The following GRK5 variants were observed in gnomAD, a reference collection of about 807,000 sequenced individuals.
GRK5 encodes the protein g protein-coupled receptor kinase GRK5.
A neutral mutation model predicts 78.4 loss-of-function variants in GRK5; 40 were observed. That is an observed-to-expected ratio of 0.51 (90% CI 0.40 to 0.66). GRK5 has a LOEUF of 0.66. GRK5 is among the 30% of genes least tolerant of loss of function. The pLI is 0.00. For synonymous variants in GRK5, 289 were observed against 296.8 expected (o/e 0.97, Z 0.27); for missense variants, 598 against 759.9 (o/e 0.79, Z 2.50).
chr10:119,381,104 TG>T (rs776620408), intron 3 of GRK5, among the ~76,000 whole-genome samples, 177 bp downstream of exon 3: 3 of 152,196 alleles, frequency 2.0e-5, no homozygotes, highest in Non-Finnish European at 4.4e-5. Context: ...TCTAAACACA[TG>T]GGTGACCTTG....
Position 119,425,061 on chromosome 10 carries a change from T to C in GRK5, c.509T>C (p.Phe170Ser). The change falls in exon 6 of 16, where the codon TTT becomes TCT. Residue 170 changes from phenylalanine (F) to serine (S), a missense_variant. Coordinates refer to ENST00000392870, the MANE Select transcript of GRK5 (RefSeq NM_005308.3). Reference sequence around the variant, plus strand: ...CTGGACAGCATGTTTTTTGACCGCTTTCTCCAGTGGAAGTGGTTGGAAAGG... The same window carrying C: ...CTGGACAGCATGTTTTTTGACCGCTCTCTCCAGTGGAAGTGGTTGGAAAGG... ...EYLDSMFFDR[F>S]LQWKWLERQP... is the part of the protein sequence containing the mutation. 1 of 1,613,800 alleles carries C rather than the reference T, an allele frequency of 6.2e-7. No homozygotes were observed. Among genetic ancestry groups the C allele is most frequent in the Non-Finnish European group, 8.5e-7 (1 of 1,179,706 alleles).
Position 119,290,366 on chromosome 10 carries a change from AAAAAC to A in GRK5, c.53-36147_53-36143del, listed in dbSNP as rs1849931788. Among the ~76,000 whole-genome samples the A allele has an allele frequency of 2.3e-5, 3 of 129,320 alleles. 1 individual carries two copies. Among genetic ancestry groups the A allele is most frequent in the Admixed American group, 8.0e-5 (1 of 12,508 alleles). 84.8% of individuals were successfully genotyped at this position (129,320 alleles called of 152,430 possible). ...CGTCTCAAAAAAAAAAAAAAAAACA[AAAAAC>A]AACTCTGTCCCCTTCTCCCTGTGGC... On this transcript the variant is annotated intron_variant, in intron 1 of 15. Transcript: ENST00000392870.
intron 2 of GRK5, among the ~76,000 whole-genome samples, chr10:119,349,825 A>G (rs1367130883): frequency 6.6e-6 from 1 of 152,240 alleles, no homozygotes; most frequent in African/African-American, 2.4e-5. Flanking sequence ...TATCATCCTC[A>G]GAACCACCAC....
intron 9 of GRK5, 101 bp from the exon 10 acceptor site, chr10:119,439,630 G>A: frequency 9.8e-7 from 1 of 1,015,972 alleles, no homozygotes; most frequent in East Asian, 2.5e-5. Context: ...AACACACTGT[G>A]GCCACTCAGG....
chr10:119,333,371 AGCTGGTG>A (rs529622999), intron 2 of GRK5: 1 of 186,500 alleles, frequency 5.4e-6, no homozygotes, highest in South Asian at 1.0e-4. Context: ...GGGGAGGGGA[AGCTGGTG>A]GCTCCTGGGG....
intron 1 of GRK5, among the ~76,000 whole-genome samples, chr10:119,216,469 A>T (rs1233413018): frequency 6.6e-6 from 1 of 152,156 alleles, no homozygotes. Context: ...TGTTTCCGGC[A>T]TAGAGGTTAC....
chr10:119,347,886 G>A (rs545586544), intron 2 of GRK5, among the ~76,000 whole-genome samples: 1 of 152,232 alleles, frequency 6.6e-6, no homozygotes, highest in Non-Finnish European at 1.5e-5. Flanking sequence ...ACCTGCCATG[G>A]TTGCAGTGGG....
intron 2 of GRK5, among the ~76,000 whole-genome samples, chr10:119,366,508 G>T (rs1158357196): frequency 2.0e-5 from 3 of 152,160 alleles, no homozygotes; most frequent in African/African-American, 4.8e-5. Context: ...GGCAGGAGGG[G>T]GGCAGCTACT....
At chr10:119,340,283 C>T (rs1017423784) in intron 2 of GRK5, among the ~76,000 whole-genome samples, 4 of 152,020 alleles carry the variant, frequency 2.6e-5, no homozygotes, top group Admixed American at 6.6e-5. Flanking sequence ...TGCGCCACCA[C>T]GCCCAGCTAA....
intron 4 of GRK5, among the ~76,000 whole-genome samples, chr10:119,397,102 G>A (rs539294413): frequency 2.0e-5 from 3 of 152,354 alleles, no homozygotes; most frequent in African/African-American, 7.2e-5. Flanking sequence ...TTCAGGAGAA[G>A]TGCCCAGAAG....
In GRK5 at chr10:119,354,226, C is replaced by T. The variant is rs529828258; in HGVS notation, c.149-26589C>T. On this transcript the variant is annotated intron_variant, in intron 2 of 15. Coordinates refer to ENST00000392870, the MANE Select transcript of GRK5 (RefSeq NM_005308.3). ...ATACATGCATCACCTCTCATAGTTA[C>T]CTTTGTCCGTGGAGTGGGGCAGAAA... Among the ~76,000 whole-genome samples, 17 of 151,786 alleles carry T rather than the reference C, an allele frequency of 1.1e-4. No individual in the cohort carries two copies. In the South Asian group the frequency reaches 3.3e-3, roughly 30 times the overall value.
At chr10:119,252,495 G>A (rs752036306) in intron 1 of GRK5, among the ~76,000 whole-genome samples, 1 of 152,180 alleles carries the variant, frequency 6.6e-6, no homozygotes, top group African/African-American at 2.4e-5. Flanking sequence ...ACGCTGGAGA[G>A]GCGGGGAAGG....
At chr10:119,218,962 A>G (rs1370194137) in intron 1 of GRK5, among the ~76,000 whole-genome samples, 1 of 146,962 alleles carries the variant, frequency 6.8e-6, no homozygotes, top group African/African-American at 2.7e-5. Flanking sequence ...CAGTGGCACG[A>G]TCTCAGCTCA....
At chr10:119,268,042 T>A (rs1334518420) in intron 1 of GRK5, among the ~76,000 whole-genome samples, 1 of 152,162 alleles carries the variant, frequency 6.6e-6, no homozygotes, top group Non-Finnish European at 1.5e-5. Context: ...GTTTGGGACT[T>A]GCAGGGTGTG....
At chr10:119,391,745 C>G (rs1307440592) in intron 3 of GRK5, among the ~76,000 whole-genome samples, 5 of 152,160 alleles carry the variant, frequency 3.3e-5, no homozygotes, top group Admixed American at 6.5e-5. Flanking sequence ...TCAGCACACA[C>G]GAGAAGCTGG....
intron 13 of GRK5, among the ~76,000 whole-genome samples, chr10:119,451,346 A>T (rs1053620425): frequency 6.6e-6 from 1 of 152,106 alleles, no homozygotes; most frequent in Admixed American, 6.5e-5. Flanking sequence ...TTTCTGTTCC[A>T]TTACAGATTT....
intron 2 of GRK5, among the ~76,000 whole-genome samples, chr10:119,340,021 T>C (rs988473015): frequency 6.6e-6 from 1 of 152,254 alleles, no homozygotes; most frequent in Non-Finnish European, 1.5e-5. Context: ...AAGGAAGATG[T>C]AAAATCCTGA....
chr10:119,416,925 T>C (rs1852467783), intron 4 of GRK5, among the ~76,000 whole-genome samples: 1 of 152,176 alleles, frequency 6.6e-6, no homozygotes, highest in Non-Finnish European at 1.5e-5. Context: ...TCAGTTGTTG[T>C]TGCAGAGGCC....
At chr10:119,328,838 G>A (rs1207459180) in intron 2 of GRK5, among the ~76,000 whole-genome samples, 1 of 152,212 alleles carries the variant, frequency 6.6e-6, no homozygotes, top group African/African-American at 2.4e-5. Flanking sequence ...GATGCCAGGA[G>A]TGCTATGGGG....
Sources: allele counts gnomAD v4.1 joint callset (sites outside exome capture counted in the v4.1 genomes callset), GRCh38; gene constraint gnomAD v4.1.1; transcripts MANE v1.5; gene names NCBI Gene and HGNC (gene_info 2026-07-23, HGNC 2026-07-21).